Variants in PRKN observed in about 807,000 individuals in gnomAD.
PRKN encodes the protein E3 ubiquitin-protein ligase parkin.
Under a neutral mutation model 59.5 loss-of-function variants are expected in PRKN, and 56 were observed. The observed-to-expected ratio is 0.94, with a 90% CI of 0.76 to 1.18. The LOEUF is 1.18. Ranked by LOEUF, PRKN falls within the 50% of genes most tolerant of loss-of-function variation. The pLI, the probability that PRKN is intolerant of heterozygous loss-of-function variation, is 0.00. For synonymous variants in PRKN, 250 were observed against 222.1 expected, an observed-to-expected ratio of 1.13 and a Z score of -1.12; for missense variants, 657 against 596.4, an observed-to-expected ratio of 1.10 and a Z score of -1.06.
chr6:161,818,033 G>A (rs1033752954), intron 6 of PRKN, among the ~76,000 whole-genome samples: 2 of 152,152 alleles, frequency 1.3e-5, no homozygotes, highest in Non-Finnish European at 2.9e-5. Flanking sequence ...ACCAATGAAG[G>A]TTAATCAAAT....
At position 161,959,444 on chromosome 6, in the gene PRKN, A is replaced by G. The variant is rs535505088; in HGVS notation, c.734+13858T>C. 8.5e-5 allele frequency among the ~76,000 whole-genome samples: 13 copies of G among 152,348 alleles called. No homozygotes were observed. The East Asian group carries it at 2.5e-3, about 29-fold the overall frequency. ...AGTCTCCTGCCACAGCCTCTGCAGC[A>G]GCCACATATAAGAGGTTAAACTCTA... On this transcript the variant is annotated intron_variant, in intron 6 of 11. Transcript: ENST00000366898.
intron 6 of PRKN, among the ~76,000 whole-genome samples, chr6:161,885,596 C>T (rs1262357758): frequency 1.3e-5 from 2 of 148,706 alleles, no homozygotes; most frequent in East Asian, 2.0e-4. Context: ...ACCCGGGAGG[C>T]GGAGCTTGCA....
chr6:162,394,467 A>G (rs1787374191), intron 2 of PRKN, among the ~76,000 whole-genome samples: 1 of 152,196 alleles, frequency 6.6e-6, no homozygotes, highest in Admixed American at 6.5e-5. Context: ...CCTAGTCACT[A>G]CTACAAGATA....
intron 7 of PRKN, among the ~76,000 whole-genome samples, chr6:161,739,622 T>C: frequency 6.6e-6 from 1 of 152,198 alleles, no homozygotes; most frequent in Non-Finnish European, 1.5e-5. Context: ...TTTTCCAAAC[T>C]GCTACACTTG....
intron 8 of PRKN, among the ~76,000 whole-genome samples, chr6:161,569,132 C>T (rs1780768215): frequency 1.3e-5 from 2 of 152,224 alleles, no homozygotes; most frequent in South Asian, 2.1e-4. Context: ...AGATGAAATG[C>T]ACTGCACTGG....
intron 7 of PRKN, among the ~76,000 whole-genome samples, chr6:161,595,595 A>G (rs992053091): frequency 1.3e-5 from 2 of 151,924 alleles, no homozygotes; most frequent in Admixed American, 6.6e-5. Context: ...ACTCTTCACG[A>G]AGGCCAAGAC....
At chr6:162,454,627 G>T (rs1052426256) in intron 1 of PRKN, among the ~76,000 whole-genome samples, 1 of 152,188 alleles carries the variant, frequency 6.6e-6, no homozygotes, top group Non-Finnish European at 1.5e-5. Flanking sequence ...TACCCTGAGG[G>T]TATATGGGAC....
At chr6:161,786,409 TA>T (rs1790422000) in intron 6 of PRKN, among the ~76,000 whole-genome samples, 1 of 152,146 alleles carries the variant, frequency 6.6e-6, no homozygotes, top group Admixed American at 6.5e-5. Context: ...TTTAAATCTT[TA>T]AAACATTTTA....
chr6:162,438,409 CT>C (rs1242756230), intron 2 of PRKN, among the ~76,000 whole-genome samples: 1 of 151,926 alleles, frequency 6.6e-6, no homozygotes, highest in African/African-American at 2.4e-5. Context: ...TCCAAAATTC[CT>C]TTTTTTGTTG....
intron 7 of PRKN, among the ~76,000 whole-genome samples, chr6:161,668,866 A>G (rs1784813417): frequency 6.6e-6 from 1 of 152,060 alleles, no homozygotes; most frequent in South Asian, 2.1e-4. Context: ...ACCTGCTTCT[A>G]CCCCACTGGT....
intron 1 of PRKN, among the ~76,000 whole-genome samples, chr6:162,578,287 T>C (rs1196227915): frequency 2.0e-5 from 3 of 152,100 alleles, no homozygotes; most frequent in Admixed American, 1.3e-4. Flanking sequence ...TAATTAAAAA[T>C]ATGAAAATTA....
At chr6:162,578,071 C>T (rs1326570736) in intron 1 of PRKN, among the ~76,000 whole-genome samples, 1 of 152,062 alleles carries the variant, frequency 6.6e-6, no homozygotes, top group African/African-American at 2.4e-5. Flanking sequence ...ACATAAAAAC[C>T]CATTCAAAGG....
chr6:162,099,327 T>G (rs1779872593), intron 4 of PRKN, among the ~76,000 whole-genome samples: 1 of 152,228 alleles, frequency 6.6e-6, no homozygotes, highest in Non-Finnish European at 1.5e-5. Flanking sequence ...CATGACTAGT[T>G]TTGTTAAACT....
intron 7 of PRKN, among the ~76,000 whole-genome samples, chr6:161,770,539 C>T (rs1184612243): frequency 1.3e-5 from 2 of 152,126 alleles, no homozygotes; most frequent in Non-Finnish European, 1.5e-5. Context: ...GCCGTCTCAG[C>T]TCACTGTAAC....
chr6:162,011,442 T>TTATAATATATAATATATTATATATA (rs1562459059), intron 5 of PRKN, among the ~76,000 whole-genome samples: 10 of 11,192 alleles, frequency 8.9e-4, no homozygotes, highest in African/African-American at 4.7e-3. Context: ...ATGTTATATA[T>TTATAATATATAATATATTATATATA]TTATAATATA....
chr6:162,673,480 G>A (rs1779412452), intron 1 of PRKN, among the ~76,000 whole-genome samples: 1 of 152,028 alleles, frequency 6.6e-6, no homozygotes, highest in Admixed American at 6.6e-5. Flanking sequence ...CCACTTCCTG[G>A]GCTCACACCG....
intron 10 of PRKN, among the ~76,000 whole-genome samples, chr6:161,365,388 C>A (rs1255950175): frequency 6.6e-6 from 1 of 152,050 alleles, no homozygotes; most frequent in Non-Finnish European, 1.5e-5. Context: ...CACCTAAAGC[C>A]TTTGTTACAT....
chr6:161,894,731 T>C lies in PRKN; in HGVS notation c.734+78571A>G, dbSNP rs370285040. 6.6e-5 allele frequency among the ~76,000 whole-genome samples: 10 copies of C among 152,354 alleles called. No individual in the cohort carries two copies. The East Asian group carries it at 1.9e-3, about 29-fold the overall frequency. On this transcript the variant is annotated intron_variant, in intron 6 of 11. Coordinates refer to ENST00000366898, the MANE Select transcript of PRKN (RefSeq NM_004562.3). ...CCTTCCAGGTGGTCACAGATCCTAG[T>C]GATCTCTTTTGTATGCGCTTCTAGA...
chr6:161,619,954 A>G (rs914474976), intron 7 of PRKN, among the ~76,000 whole-genome samples: 1 of 147,808 alleles, frequency 6.8e-6, no homozygotes, highest in African/African-American at 2.5e-5. Context: ...TTACAATTCT[A>G]TAATTGTATA....
Sources: gnomAD v4.1 joint callset for allele counts (sites outside exome capture counted in the v4.1 genomes callset) on GRCh38, gnomAD v4.1.1 for gene constraint, MANE v1.5 for transcripts, NCBI Gene and HGNC (gene_info 2026-07-23, HGNC 2026-07-21) for gene names.